BAZ2B: variants seen among roughly 807,000 people sequenced by gnomAD.
BAZ2B encodes bromodomain adjacent to zinc finger domain 2B.
A neutral mutation model predicts 246.0 loss-of-function variants in BAZ2B; 91 were observed. That is an observed-to-expected ratio of 0.37 (90% CI 0.31 to 0.44). BAZ2B has a LOEUF of 0.44. BAZ2B is among the 20% of genes least tolerant of loss of function. The pLI, the probability that BAZ2B is intolerant of heterozygous loss-of-function variation, is 1.00. For missense variants in BAZ2B, 2,332 were observed against 2,533.7 expected (o/e 0.92, Z 1.71); for synonymous variants, 855 against 860.0 (o/e 0.99, Z 0.10).
At position 159,439,077 on chromosome 2, in the gene BAZ2B, T is replaced by G; in HGVS notation, c.832A>C (p.Ser278Arg). Residue 278 changes from serine to arginine, a missense_variant, in exon 7 of 37, where the codon AGT becomes CGT. Around this residue, in one of 9 missense-constraint regions of BAZ2B, gnomAD observed 161 missense variants for 225.8 expected, o/e 0.71. Coordinates refer to ENST00000392783, the MANE Select transcript of BAZ2B (RefSeq NM_013450.4). Reference protein sequence around the residue: ...LEEDEEEEDQSIEESEDDDSD... With the variant: ...LEEDEEEEDQRIEESEDDDSD... ...TCATCATCTTCACTTTCTTCAATAC[T>G]TTGATCTTCTTCTTCTTCATCTTCT... The G allele has an allele frequency of 6.2e-7, 1 of 1,613,922 alleles. No homozygotes were observed. The highest frequency in any genetic ancestry group is 1.7e-5 in the Admixed American group (1 of 60,028).
At chr2:159,514,666 C>A (rs1007987863) in intron 2 of BAZ2B, among the ~76,000 whole-genome samples, 1 of 152,072 alleles carries the variant, frequency 6.6e-6, no homozygotes, top group Non-Finnish European at 1.5e-5. Flanking sequence ...TATTTACTGG[C>A]TAAGGACCTT....
intron 13 of BAZ2B, among the ~76,000 whole-genome samples, chr2:159,424,696 G>A (rs1478429545): frequency 6.6e-6 from 1 of 152,128 alleles, no homozygotes; most frequent in East Asian, 1.9e-4. Context: ...CTCCCTCTAT[G>A]AATACCAGTA....
chr2:159,540,864 T>C (rs550790078), intron 2 of BAZ2B, among the ~76,000 whole-genome samples: 12 of 152,356 alleles, frequency 7.9e-5, no homozygotes, highest in African/African-American at 2.6e-4. Context: ...TAATGTTCAC[T>C]GTTGAAAACT....
At position 159,353,017 on chromosome 2, in the gene BAZ2B, C is replaced by T. The variant is rs372704097; in HGVS notation, c.4214-2660G>A. Among the ~76,000 whole-genome samples the T allele has an allele frequency of 9.2e-5, 14 of 152,246 alleles. No individual in the cohort carries two copies. In the South Asian group the frequency reaches 1.7e-3, roughly 18 times the overall value. ...GTGCTCAATAAATATTCCTTGATAA[C>T]GAAATAAAAGGATGAATTTAATTCT... On this transcript the variant is annotated intron_variant, in intron 27 of 36. Transcript: ENST00000392783.
chr2:159,614,417 AT>A (rs1695413142), intron 1 of BAZ2B, among the ~76,000 whole-genome samples: 1 of 152,146 alleles, frequency 6.6e-6, no homozygotes. Context: ...ATCTTAAGGT[AT>A]TTTCCATAGT....
intron 2 of BAZ2B, among the ~76,000 whole-genome samples, chr2:159,499,881 T>C (rs1326241835): frequency 6.6e-6 from 1 of 152,172 alleles, no homozygotes. Context: ...TTGTTTCTTA[T>C]AAATTTGTTT....
At chr2:159,698,678 T>TGAGA in the BAZ2B span, among the ~76,000 whole-genome samples, 11 of 152,126 alleles carry the variant, frequency 7.2e-5, no homozygotes, top group Admixed American at 4.6e-4. Flanking sequence ...TGTTTAGCCC[T>TGAGA]TCTCATCACA....
At chr2:159,517,946 G>A (rs1425047) in intron 2 of BAZ2B, among the ~76,000 whole-genome samples, 80,483 of 151,938 alleles carry the variant, frequency 0.53, 21,663 homozygotes, top group Non-Finnish European at 0.58. Context: ...TCTTGGTCAC[G>A]TTAACATTAA....
In BAZ2B at chr2:159,382,541, C is replaced by A; in HGVS notation, c.4005+18G>T. 1 of 1,545,012 alleles carries A rather than the reference C, an allele frequency of 6.5e-7. No homozygotes were observed. Among genetic ancestry groups the A allele is most frequent in the Middle Eastern group, 1.7e-4 (1 of 5,974 alleles). On this transcript the variant is annotated intron_variant, in intron 25 of 36. Transcript: ENST00000392783. The stretch of plus-strand genomic sequence containing the variant: ...TATGCAGTTCTAGTTGTCTTAAAAT[C>A]AACCTAAATTTCATTACCTCATCTT...
At chr2:159,496,191 T>C (rs1391563779) in intron 2 of BAZ2B, among the ~76,000 whole-genome samples, 3 of 148,512 alleles carry the variant, frequency 2.0e-5, no homozygotes, top group Admixed American at 6.7e-5. Flanking sequence ...CTGGCCAACA[T>C]GGTGAAACCC....
At chr2:159,607,010 C>CA (rs1363568185) in intron 1 of BAZ2B, among the ~76,000 whole-genome samples, 6 of 149,854 alleles carry the variant, frequency 4.0e-5, no homozygotes, top group African/African-American at 1.2e-4. Flanking sequence ...ACCTCCGCCT[C>CA]AAAAAAAATA....
At chr2:159,624,830 G>A in the BAZ2B span, among the ~76,000 whole-genome samples, 1 of 152,174 alleles carries the variant, frequency 6.6e-6, no homozygotes, top group Non-Finnish European at 1.5e-5. Flanking sequence ...TGGAGAATGA[G>A]TTTGACAAAT....
chr2:159,514,611 T>C (rs1252127540), intron 2 of BAZ2B, among the ~76,000 whole-genome samples: 2 of 152,214 alleles, frequency 1.3e-5, no homozygotes. Context: ...CACTGGAGAC[T>C]GTTCTGGATT....
intron 25 of BAZ2B, among the ~76,000 whole-genome samples, chr2:159,381,800 C>T (rs1274582663): frequency 6.6e-6 from 1 of 152,212 alleles, no homozygotes; most frequent in African/African-American, 2.4e-5. Context: ...TCCAGTAACA[C>T]TGAAGCACTT....
At chr2:159,602,225 C>A (rs551430558) in intron 1 of BAZ2B, among the ~76,000 whole-genome samples, 9 of 152,056 alleles carry the variant, frequency 5.9e-5, no homozygotes, top group African/African-American at 2.2e-4. Context: ...ATATTGGAAA[C>A]AACAGTCTAG....
chr2:159,526,176 T>C (rs2151291502), intron 2 of BAZ2B, among the ~76,000 whole-genome samples: 1 of 152,298 alleles, frequency 6.6e-6, no homozygotes, highest in East Asian at 1.9e-4. Flanking sequence ...GTAAAATTTA[T>C]TGGACTTCAA....
rs540981056 is a variant in BAZ2B at position 159,442,986 on chromosome 2, A to G, written c.697-3774T>C. Among the ~76,000 whole-genome samples the G allele has an allele frequency of 1.1e-4, 17 of 152,326 alleles. 1 individual carries two copies. The South Asian group carries it at 3.5e-3, about 32-fold the overall frequency. On this transcript the variant is annotated intron_variant, in intron 6 of 36. Coordinates refer to ENST00000392783, the MANE Select transcript of BAZ2B (RefSeq NM_013450.4). ...TTCAGCCATTGTGAACAATGCTGCT[A>G]TGAGTATGGGTATACAGATACCTCT...
At position 159,319,139 on chromosome 2, in the gene BAZ2B, G is replaced by C. The variant is rs975171693; in HGVS notation, c.*1126C>G. 6.6e-6 allele frequency: 1 copy of C among 152,450 alleles called. No homozygotes were observed. Among genetic ancestry groups the C allele is most frequent in the African/African-American group, 2.4e-5 (1 of 41,372 alleles). The allele number at this position is 152,450 out of a possible 1,614,324, so 9.4% of individuals were successfully genotyped here. A position where few individuals can be genotyped will look rare whatever the true frequency, so the allele number is the denominator to read the frequency against. On this transcript the variant is annotated 3_prime_UTR_variant, in exon 37 of 37. Transcript: ENST00000392783. The surrounding 1 kb of genome is among the most constrained non-coding windows in gnomAD (Gnocchi z 4.0). ...AATCTGATCTATTTGCCTCCAACAG[G>C]CCACCACAACACACAGTAGATAAAA...
the BAZ2B span, among the ~76,000 whole-genome samples, chr2:159,633,740 T>G: frequency 0.027 from 1,638 of 61,010 alleles, 35 homozygotes; most frequent in African/African-American, 0.049. Flanking sequence ...ACTTTATTCT[T>G]TTTTTTTTTT....
Sources: allele counts gnomAD v4.1 joint callset (sites outside exome capture counted in the v4.1 genomes callset), GRCh38; gene constraint gnomAD v4.1.1; regional missense constraint gnomAD v4.1.1; non-coding constraint Gnocchi (gnomAD v3.1); transcripts MANE v1.5; gene names NCBI Gene and HGNC (gene_info 2026-07-23, HGNC 2026-07-21).